The following VWA3B variants were observed in gnomAD, a reference collection of about 807,000 sequenced individuals.
VWA3B encodes the protein von Willebrand factor A domain-containing protein 3B.
Under a neutral mutation model 158.3 loss-of-function variants are expected in VWA3B, and 138 were observed. The observed-to-expected ratio is 0.87, with a 90% CI of 0.76 to 1.00. The LOEUF is 1.00. Ranked by LOEUF, VWA3B falls within the 50% of genes least tolerant of loss-of-function variation. The probability of loss-of-function intolerance (pLI) is 0.00; values close to 1 mark genes in which losing one functional copy is unlikely to be tolerated. For missense variants in VWA3B, 1,555 were observed against 1,565.1 expected, an observed-to-expected ratio of 0.99 and a Z score of 0.11; for synonymous variants, 596 against 587.3, an observed-to-expected ratio of 1.01 and a Z score of -0.21.
intron 12 of VWA3B, among the ~76,000 whole-genome samples, chr2:98,201,124 C>T (rs1682513129): frequency 6.6e-6 from 1 of 152,042 alleles, no homozygotes; most frequent in African/African-American, 2.4e-5. Flanking sequence ...TTTGACCTGC[C>T]TTGTACATTT....
intron 2 of VWA3B, among the ~76,000 whole-genome samples, chr2:98,106,336 T>C (rs973122006): frequency 6.6e-6 from 1 of 152,326 alleles, no homozygotes; most frequent in African/African-American, 2.4e-5. Flanking sequence ...TATTTTTTTT[T>C]CAAAATTGTT....
At position 98,187,823 on chromosome 2, in the gene VWA3B, C is replaced by T. The variant is rs960926082; in HGVS notation, c.1312-152C>T. On this transcript the variant is annotated intron_variant, in intron 9 of 27. Transcript: ENST00000477737. ...GCAGGGCTCCATAGGAAGCGGGCAG[C>T]GGAACATATTTGGTTGAACTAACAA... is the stretch of plus-strand genomic sequence containing the variant. The T allele has an allele frequency of 6.3e-5, 48 of 759,734 alleles. No homozygotes were observed. The South Asian group carries it at 8.1e-4, about 13-fold the overall frequency. 47.1% of individuals were successfully genotyped at this position (759,734 alleles called of 1,614,324 possible).
At chr2:98,287,485 T>C (rs1344319656) in intron 22 of VWA3B, among the ~76,000 whole-genome samples, 1 of 152,160 alleles carries the variant, frequency 6.6e-6, no homozygotes, top group Non-Finnish European at 1.5e-5. Context: ...ATAATGACTA[T>C]TCTGGATGAT....
chr2:98,154,704 T>C (rs1677913920), intron 7 of VWA3B, among the ~76,000 whole-genome samples: 2 of 152,222 alleles, frequency 1.3e-5, no homozygotes, highest in African/African-American at 4.8e-5. Flanking sequence ...CCGGGCATCC[T>C]GCATCACCTA....
At chr2:98,271,821 C>T (rs2105890414) in intron 22 of VWA3B, among the ~76,000 whole-genome samples, 1 of 152,302 alleles carries the variant, frequency 6.6e-6, no homozygotes, top group Non-Finnish European at 1.5e-5. Context: ...AGTGTGAAAC[C>T]TACTCTCTGA....
At chr2:98,151,391 C>A (rs1448504159) in intron 7 of VWA3B, among the ~76,000 whole-genome samples, 3 of 152,198 alleles carry the variant, frequency 2.0e-5, no homozygotes, top group Non-Finnish European at 4.4e-5. Context: ...AGGTGTGAGC[C>A]ACCGCTTCCA....
intron 7 of VWA3B, among the ~76,000 whole-genome samples, chr2:98,141,921 C>G (rs549623854): frequency 6.6e-6 from 1 of 152,196 alleles, no homozygotes; most frequent in South Asian, 2.1e-4. Context: ...CCTGGCAGAC[C>G]CAAGTGAGGC....
At chr2:98,266,351 G>A (rs1298226623) in intron 21 of VWA3B, among the ~76,000 whole-genome samples, 1 of 150,332 alleles carries the variant, frequency 6.7e-6, no homozygotes, top group Non-Finnish European at 1.5e-5. Flanking sequence ...AGATCAGATA[G>A]TTGTAGATAT....
At chr2:98,175,956 A>T (rs1679979269) in intron 8 of VWA3B, among the ~76,000 whole-genome samples, 1 of 152,186 alleles carries the variant, frequency 6.6e-6, no homozygotes, top group Non-Finnish European at 1.5e-5. Flanking sequence ...GTGTAGGTTG[A>T]CAGCAGGTTT....
At chr2:98,242,435 A>G (rs539532705) in intron 19 of VWA3B, 2 of 382,806 alleles carry the variant, frequency 5.2e-6, no homozygotes, top group East Asian at 7.2e-5. Flanking sequence ...TAGCTATGTA[A>G]TGAACCTAGA....
At chr2:98,235,520 G>A (rs1685623419) in intron 17 of VWA3B, among the ~76,000 whole-genome samples, 1 of 151,702 alleles carries the variant, frequency 6.6e-6, no homozygotes, top group African/African-American at 2.4e-5. Flanking sequence ...CTGCCTCCAC[G>A]GTTCAAGTAA....
intron 16 of VWA3B, 47 bp downstream of exon 16, chr2:98,230,254 G>A (rs774588288): frequency 1.5e-5 from 22 of 1,463,530 alleles, no homozygotes; most frequent in East Asian, 2.4e-5. Context: ...TTCTCTTCAA[G>A]GCAAGAAGAT....
chr2:98,288,322 T>G (rs1016961905), intron 22 of VWA3B, among the ~76,000 whole-genome samples: 1 of 152,228 alleles, frequency 6.6e-6, no homozygotes, highest in Non-Finnish European at 1.5e-5. Context: ...TGCCTTACCA[T>G]CTGTGGGCAG....
At chr2:98,279,760 C>A (rs1688756589) in intron 22 of VWA3B, among the ~76,000 whole-genome samples, 1 of 152,140 alleles carries the variant, frequency 6.6e-6, no homozygotes, top group African/African-American at 2.4e-5. Flanking sequence ...AATACCCCGG[C>A]TTCCTCCTGC....
At position 98,151,461 on chromosome 2, in the gene VWA3B, G is replaced by A. The variant is rs115819349; in HGVS notation, c.989-11390G>A. 9.6e-3 allele frequency among the ~76,000 whole-genome samples: 1,468 copies of A among 152,304 alleles called. 25 individuals carry two copies. The highest frequency in any genetic ancestry group is 0.034 in the African/African-American group (1,407 of 41,554). On this transcript the variant is annotated intron_variant, in intron 7 of 27. Transcript: ENST00000477737. ...ATGAGCTTGAGCTGAGGCCCGCTAT[G>A]TGCCACATTTAAGGCCCCCACTCAT... is the stretch of plus-strand genomic sequence containing the variant.
At chr2:98,299,339 A>G (rs758172946) in intron 24 of VWA3B, among the ~76,000 whole-genome samples, 1 of 152,140 alleles carries the variant, frequency 6.6e-6, no homozygotes, top group Non-Finnish European at 1.5e-5. Flanking sequence ...TCTGCTCACA[A>G]ACTCATAAAA....
chr2:98,278,517 T>C (rs1240602312), intron 22 of VWA3B, among the ~76,000 whole-genome samples: 1 of 152,176 alleles, frequency 6.6e-6, no homozygotes, highest in South Asian at 2.1e-4. Flanking sequence ...GGGAATTTTA[T>C]TGCTGATGAA....
intron 6 of VWA3B, among the ~76,000 whole-genome samples, chr2:98,132,896 C>T (rs745849663): frequency 6.6e-6 from 1 of 152,214 alleles, no homozygotes. Flanking sequence ...ATTTCCATAG[C>T]CGCGGTGGGT....
At chr2:98,106,903 T>C (rs1201800984) in intron 2 of VWA3B, among the ~76,000 whole-genome samples, 11 of 152,230 alleles carry the variant, frequency 7.2e-5, no homozygotes, top group African/African-American at 2.7e-4. Flanking sequence ...CTATGTTGAA[T>C]AGCAACGGTA....
Sources: gnomAD v4.1 joint callset for allele counts (sites outside exome capture counted in the v4.1 genomes callset) on GRCh38, gnomAD v4.1.1 for gene constraint, MANE v1.5 for transcripts, NCBI Gene and HGNC (gene_info 2026-07-23, HGNC 2026-07-21) for gene names.